Variants in OSBPL10 observed in about 807,000 individuals in gnomAD.
OSBPL10 encodes oxysterol-binding protein-related protein 10.
Under a neutral mutation model 81.7 loss-of-function variants are expected in OSBPL10, and 49 were observed. The ratio of observed to expected loss-of-function variants is 0.60; its 90% confidence interval spans 0.48 to 0.76. OSBPL10 has a LOEUF of 0.76. Ranked by LOEUF, OSBPL10 falls within the 30% of genes least tolerant of loss-of-function variation. OSBPL10 has a pLI of 0.00. For missense variants in OSBPL10, 923 were observed against 987.8 expected (o/e 0.93, Z 0.88); for synonymous variants, 419 against 383.6 (o/e 1.09, Z -1.08).
chr3:31,907,619 CAAAAAAAAAAA>C (rs142840420), intron 1 of OSBPL10, among the ~76,000 whole-genome samples: 26 of 63,868 alleles, frequency 4.1e-4, no homozygotes, highest in South Asian at 1.4e-3. Flanking sequence ...ACCTCCATCT[CAAAAAAAAAAA>C]AAAAAAAAAA....
rs375435154 is a variant in OSBPL10, at chr3:31,702,526, A to G, written c.1096-18T>C. 116 of 1,613,854 alleles carry G rather than the reference A, an allele frequency of 7.2e-5. No individual in the cohort carries two copies. The highest frequency in any genetic ancestry group is 9.0e-5 in the Non-Finnish European group (106 of 1,179,912). Reference sequence around the variant, plus strand: ...GAGTTTGGCTAAAATGAAATAATCAATAAAAATCACCAGCTGGCCCAATAG... The same window carrying G: ...GAGTTTGGCTAAAATGAAATAATCAGTAAAAATCACCAGCTGGCCCAATAG... On this transcript the variant is annotated intron_variant, in intron 6 of 11. Transcript: ENST00000396556.
At chr3:31,870,708 G>A (rs1251190217) in intron 3 of OSBPL10, among the ~76,000 whole-genome samples, 1 of 152,158 alleles carries the variant, frequency 6.6e-6, no homozygotes, top group Non-Finnish European at 1.5e-5. Context: ...CTCAGGGTTT[G>A]TGAGTGCACC....
intron 2 of OSBPL10, chr3:31,991,691 A>G (rs1194195626): frequency 6.2e-6 from 1 of 162,108 alleles, no homozygotes; most frequent in African/African-American, 2.4e-5. Flanking sequence ...ACAAACAAAT[A>G]CAATTTTACT....
chr3:32,074,864 A>G (rs1699860991), intron 1 of OSBPL10, among the ~76,000 whole-genome samples: 1 of 152,064 alleles, frequency 6.6e-6, no homozygotes, highest in Non-Finnish European at 1.5e-5. Flanking sequence ...GCCTGACACA[A>G]GGTCTCTTCT....
intron 1 of OSBPL10, among the ~76,000 whole-genome samples, chr3:31,906,460 T>C (rs889659369): frequency 6.6e-6 from 1 of 152,198 alleles, no homozygotes; most frequent in East Asian, 1.9e-4. Context: ...GATCATTAAA[T>C]AGAAATGTAT....
rs981989190 is a variant in OSBPL10, at chr3:31,730,210, G to A, written c.1095+3047C>T. 8.5e-5 allele frequency among the ~76,000 whole-genome samples: 13 copies of A among 152,132 alleles called. No homozygotes were observed. In the East Asian group the frequency reaches 1.7e-3, roughly 20 times the overall value. On this transcript the variant is annotated intron_variant, in intron 6 of 11. Transcript: ENST00000396556. ...ACAAAAATTAGCTGAGTGTGATGGC[G>A]CCTGCCTGTAATCCCAGCTACTCAG...
At chr3:32,021,738 C>T (rs190323487) in intron 2 of OSBPL10, among the ~76,000 whole-genome samples, 89 of 152,098 alleles carry the variant, frequency 5.9e-4, no homozygotes, top group African/African-American at 2.1e-3. Flanking sequence ...TTTTGGGAGG[C>T]TGAGGTGGGC....
intron 1 of OSBPL10, among the ~76,000 whole-genome samples, chr3:31,925,315 C>CA (rs1697040180): frequency 6.6e-6 from 1 of 152,044 alleles, no homozygotes; most frequent in Non-Finnish European, 1.5e-5. Flanking sequence ...CACGACCCTC[C>CA]ACAATAGGTC....
intron 6 of OSBPL10, among the ~76,000 whole-genome samples, chr3:31,719,511 CA>C (rs538341647): frequency 4.1e-4 from 62 of 152,062 alleles, no homozygotes; most frequent in Admixed American, 8.5e-4. Flanking sequence ...AAATTAAAAA[CA>C]AGATACCATT....
intron 1 of OSBPL10, among the ~76,000 whole-genome samples, chr3:31,894,411 C>T (rs1366140746): frequency 2.0e-5 from 3 of 152,130 alleles, no homozygotes; most frequent in Non-Finnish European, 2.9e-5. Flanking sequence ...ACCAGAAGCA[C>T]AGAAAGGACA....
intron 4 of OSBPL10, among the ~76,000 whole-genome samples, chr3:31,788,156 A>AT (rs1471538383): frequency 2.0e-5 from 3 of 152,194 alleles, no homozygotes; most frequent in African/African-American, 7.2e-5. Flanking sequence ...ATAAGCCTGT[A>AT]TCTAGATTTC....
In OSBPL10 at chr3:31,997,265, C is replaced by CT. The variant is rs77782306; in HGVS notation, n.298+49225dup. Among the ~76,000 whole-genome samples the CT allele has an allele frequency of 8.3e-3, 1,224 of 147,120 alleles. 46 individuals carry two copies. In the East Asian group the frequency reaches 0.15, roughly 18 times the overall value. On this transcript the variant is annotated intron_variant and non_coding_transcript_variant, in intron 2 of 3. Transcript: ENST00000479173. ...CCTATGAGCATTTATGAACATCATT[C>CT]TTTTTTTTTTTCAAGATGGAGTCTC... is the stretch of plus-strand genomic sequence containing the variant.
Position 32,066,009 on chromosome 3 carries a change from G to A in OSBPL10, n.185+11387C>T, listed in dbSNP as rs199553933. 5.3e-3 allele frequency among the ~76,000 whole-genome samples: 278 copies of A among 52,532 alleles called. 10 individuals are homozygous for A. Among genetic ancestry groups the A allele is most frequent in the East Asian group, 0.031 (15 of 478 alleles). The allele number at this position is 52,532 out of a possible 152,430, so 34.5% of individuals were successfully genotyped here. A position where few individuals can be genotyped will look rare whatever the true frequency, so the allele number is the denominator to read the frequency against. ...AAAGAAAGAAAGAAAGAAAGAAAGA[G>A]AAAGAAAGAAAGAAAGAGAGAGAGA... On this transcript the variant is annotated intron_variant and non_coding_transcript_variant, in intron 1 of 3. Coordinates refer to the OSBPL10 transcript ENST00000479173.
intron 4 of OSBPL10, among the ~76,000 whole-genome samples, chr3:31,807,442 G>A (rs976723675): frequency 6.6e-6 from 1 of 151,222 alleles, no homozygotes; most frequent in Non-Finnish European, 1.5e-5. Flanking sequence ...ATATATGGTG[G>A]GTGTCAAGGG....
chr3:32,075,014 A>C (rs1699862403), intron 1 of OSBPL10, among the ~76,000 whole-genome samples: 1 of 152,200 alleles, frequency 6.6e-6, no homozygotes, highest in African/African-American at 2.4e-5. Context: ...CAACACGACC[A>C]AAAAGAGTCA....
chr3:32,006,722 G>T (rs1259807100), intron 2 of OSBPL10, among the ~76,000 whole-genome samples: 1 of 152,134 alleles, frequency 6.6e-6, no homozygotes. Context: ...CATATATCAA[G>T]TTCTCATGTA....
intron 6 of OSBPL10, among the ~76,000 whole-genome samples, chr3:31,727,485 C>G (rs1052068450): frequency 3.3e-5 from 5 of 152,078 alleles, no homozygotes; most frequent in African/African-American, 1.2e-4. Flanking sequence ...AAGGATAATC[C>G]TATCACCCAC....
chr3:31,872,575 C>G (rs957596540), intron 3 of OSBPL10, among the ~76,000 whole-genome samples: 4 of 147,742 alleles, frequency 2.7e-5, no homozygotes, highest in Non-Finnish European at 5.9e-5. Flanking sequence ...AATGTAAAGA[C>G]AGAATCAACT....
intron 2 of OSBPL10, among the ~76,000 whole-genome samples, chr3:32,032,993 T>C (rs909995001): frequency 6.6e-6 from 1 of 152,368 alleles, no homozygotes; most frequent in Non-Finnish European, 1.5e-5. Flanking sequence ...CAGTTATTAA[T>C]GCCTGTTTTC....
Sources: allele counts gnomAD v4.1 joint callset (sites outside exome capture counted in the v4.1 genomes callset), GRCh38; gene constraint gnomAD v4.1.1; transcripts MANE v1.5; gene names NCBI Gene and HGNC (gene_info 2026-07-23, HGNC 2026-07-21).